SLC25A21: variants seen among roughly 807,000 people sequenced by gnomAD.
The protein encoded by SLC25A21 is solute carrier family 25 member 21, also known as mitochondrial 2-oxodicarboxylate carrier.
In SLC25A21, 47 loss-of-function variants were observed where a neutral mutation model predicts 43.8. The observed-to-expected ratio is 1.07, with a 90% CI of 0.85 to 1.37. SLC25A21 has a LOEUF of 1.37. Among genes scored for constraint, SLC25A21 ranks in the 40% most tolerant of loss-of-function variants. SLC25A21 has a pLI of 0.00. For synonymous variants in SLC25A21, 131 were observed against 121.3 expected (o/e 1.08, Z -0.52); for missense variants, 352 against 350.2 (o/e 1.00, Z -0.04).
chr14:37,069,018 CA>C (rs58943565), intron 1 of SLC25A21, among the ~76,000 whole-genome samples: 32,245 of 150,880 alleles, frequency 0.21, 7,967 homozygotes, highest in African/African-American at 0.6. Context: ...ACTAAAAATA[CA>C]AAAAAAAATT....
chr14:37,108,362 A>T (rs1962954145), intron 1 of SLC25A21, among the ~76,000 whole-genome samples: 1 of 152,176 alleles, frequency 6.6e-6, no homozygotes, highest in Non-Finnish European at 1.5e-5. Context: ...ATAGAGTACA[A>T]ACAAATCATT....
chr14:37,054,825 A>C (rs1365863915), intron 1 of SLC25A21, among the ~76,000 whole-genome samples: 1 of 152,278 alleles, frequency 6.6e-6, no homozygotes, highest in Non-Finnish European at 1.5e-5. Flanking sequence ...TCGCAGCAAA[A>C]TAATCTCAAA....
At chr14:36,951,281 T>C (rs1001076569) in intron 1 of SLC25A21, among the ~76,000 whole-genome samples, 1 of 148,538 alleles carries the variant, frequency 6.7e-6, no homozygotes, top group African/African-American at 2.5e-5. Flanking sequence ...TTTAAAGCAA[T>C]CAATTCTGTT....
At chr14:37,032,722 C>T (rs1961245581) in intron 1 of SLC25A21, among the ~76,000 whole-genome samples, 1 of 145,228 alleles carries the variant, frequency 6.9e-6, no homozygotes, top group African/African-American at 2.6e-5. Flanking sequence ...AAATTTGTAA[C>T]TGTCATTATA....
intron 7 of SLC25A21, among the ~76,000 whole-genome samples, chr14:36,710,415 GAAAA>G (rs940580516): frequency 6.6e-6 from 1 of 150,664 alleles, no homozygotes; most frequent in Non-Finnish European, 1.5e-5. Flanking sequence ...AGGAAACGGG[GAAAA>G]AAAAGAAAGA....
intron 1 of SLC25A21, among the ~76,000 whole-genome samples, chr14:37,022,425 C>T (rs1961006651): frequency 6.6e-6 from 1 of 151,912 alleles, no homozygotes; most frequent in Admixed American, 6.6e-5. Context: ...CTCTGTACCC[C>T]AACCCAATTG....
chr14:37,013,671 C>A (rs921418883), intron 1 of SLC25A21, among the ~76,000 whole-genome samples: 4 of 152,100 alleles, frequency 2.6e-5, no homozygotes, highest in Admixed American at 1.3e-4. Flanking sequence ...TTACCCCTCA[C>A]CCCCCTCACC....
chr14:36,703,925 T>C (rs1883386441), intron 7 of SLC25A21, among the ~76,000 whole-genome samples: 1 of 152,194 alleles, frequency 6.6e-6, no homozygotes, highest in Admixed American at 6.5e-5. Context: ...GTGCTTTACT[T>C]TGAGAAGTGA....
chr14:37,002,213 G>A (rs1373311661), intron 1 of SLC25A21, among the ~76,000 whole-genome samples: 2 of 152,168 alleles, frequency 1.3e-5, no homozygotes, highest in African/African-American at 2.4e-5. Context: ...GTTTTCTGCA[G>A]ATAATTCCAG....
At chr14:37,084,579 T>C (rs1272638252) in intron 1 of SLC25A21, among the ~76,000 whole-genome samples, 2 of 152,262 alleles carry the variant, frequency 1.3e-5, no homozygotes, top group Admixed American at 6.5e-5. Flanking sequence ...ATGTTGTTAT[T>C]TGTCCTTCCA....
intron 5 of SLC25A21, among the ~76,000 whole-genome samples, chr14:36,726,249 C>T (rs1011258033): frequency 1.1e-4 from 17 of 151,830 alleles, no homozygotes; most frequent in Non-Finnish European, 2.5e-4. Flanking sequence ...TAAAAAACAC[C>T]GGCAATTGAC....
chr14:37,066,144 G>T (rs149198231), intron 1 of SLC25A21, among the ~76,000 whole-genome samples: 1 of 152,150 alleles, frequency 6.6e-6, no homozygotes, highest in Non-Finnish European at 1.5e-5. Context: ...CACACTTCCA[G>T]ATATGACACT....
intron 1 of SLC25A21, among the ~76,000 whole-genome samples, chr14:37,123,606 G>A (rs1963248545): frequency 6.6e-6 from 1 of 151,938 alleles, no homozygotes; most frequent in South Asian, 2.1e-4. Flanking sequence ...ATTAAAAAAT[G>A]GTATTTATGC....
chr14:36,694,100 C>A lies in SLC25A21; in HGVS notation c.604-9175G>T, dbSNP rs552655944. Among the ~76,000 whole-genome samples the A allele has an allele frequency of 4.9e-4, 71 of 146,180 alleles. 1 individual carries two copies. Among genetic ancestry groups the A allele is most frequent in the African/African-American group, 1.6e-3 (63 of 39,430 alleles). ...CTGACAGGCCCCAGTGTGTGATGTTCCCCGCCCTGTGTCCAAGTGATCTCA... is the reference window on the plus strand; with the variant it reads ...CTGACAGGCCCCAGTGTGTGATGTTACCCGCCCTGTGTCCAAGTGATCTCA... On this transcript the variant is annotated intron_variant, in intron 7 of 9. Coordinates refer to ENST00000331299, the MANE Select transcript of SLC25A21 (RefSeq NM_030631.4).
intron 1 of SLC25A21, among the ~76,000 whole-genome samples, chr14:36,876,871 G>A (rs1185319347): frequency 6.7e-6 from 1 of 150,010 alleles, no homozygotes. Flanking sequence ...ATGAGGTCAT[G>A]AGGGTCTTGC....
chr14:36,727,373 A>G (rs1420745947), intron 5 of SLC25A21, among the ~76,000 whole-genome samples: 8 of 152,214 alleles, frequency 5.3e-5, no homozygotes, highest in Non-Finnish European at 1.2e-4. Context: ...TGCAAACACC[A>G]TTGTTCTTGT....
At chr14:36,766,583 T>C (rs762474894) in intron 3 of SLC25A21, among the ~76,000 whole-genome samples, 5 of 152,200 alleles carry the variant, frequency 3.3e-5, no homozygotes, top group African/African-American at 7.2e-5. Flanking sequence ...TCTTCACAAG[T>C]TGCAACCCAG....
intron 1 of SLC25A21, among the ~76,000 whole-genome samples, chr14:36,992,800 T>C (rs1425116387): frequency 1.3e-5 from 2 of 152,202 alleles, no homozygotes; most frequent in Non-Finnish European, 2.9e-5. Flanking sequence ...GAAGACACAA[T>C]GTTTAAGTAT....
chr14:37,071,040 G>C (rs8017060), intron 1 of SLC25A21, among the ~76,000 whole-genome samples: 73,313 of 152,038 alleles, frequency 0.48, 20,544 homozygotes, highest in African/African-American at 0.79. Flanking sequence ...AAGTACAGCA[G>C]CAAAAGGGAA....
Sources: allele counts gnomAD v4.1 joint callset (sites outside exome capture counted in the v4.1 genomes callset), GRCh38; gene constraint gnomAD v4.1.1; transcripts MANE v1.5; gene names NCBI Gene and HGNC (gene_info 2026-07-23, HGNC 2026-07-21).